CNTN3: variants seen among roughly 807,000 people sequenced by gnomAD.
CNTN3 encodes the protein contactin 3, also known as contactin-3.
A neutral mutation model predicts 119.1 loss-of-function variants in CNTN3; 60 were observed. The ratio of observed to expected loss-of-function variants is 0.50; its 90% CI spans 0.41 to 0.62. The LOEUF (loss-of-function observed/expected upper bound fraction) is 0.62. CNTN3 is among the 20% of genes least tolerant of loss of function. The pLI is 0.00. For missense variants in CNTN3, 1,101 were observed against 1,242.4 expected, an observed-to-expected ratio of 0.89 and a Z score of 1.71; for synonymous variants, 450 against 438.7, an observed-to-expected ratio of 1.03 and a Z score of -0.32.
intron 9 of CNTN3, among the ~76,000 whole-genome samples, chr3:74,365,331 A>G (rs1286093273): frequency 1.3e-5 from 2 of 152,138 alleles, no homozygotes; most frequent in Non-Finnish European, 2.9e-5. Context: ...GACTAAATTC[A>G]CACCATGACT....
At chr3:74,347,019 A>C (rs1380747335) in intron 11 of CNTN3, among the ~76,000 whole-genome samples, 1 of 152,204 alleles carries the variant, frequency 6.6e-6, no homozygotes, top group Non-Finnish European at 1.5e-5. Context: ...GCACTTCAAC[A>C]AATATTTGTT....
At chr3:74,407,421 A>G (rs1416694050) in intron 5 of CNTN3, among the ~76,000 whole-genome samples, 11 of 146,836 alleles carry the variant, frequency 7.5e-5, no homozygotes, top group African/African-American at 2.8e-4. Context: ...GGCATGTGCC[A>G]CCACGCCTGG....
chr3:74,504,220 A>G (rs1703213500), intron 2 of CNTN3, among the ~76,000 whole-genome samples: 1 of 152,196 alleles, frequency 6.6e-6, no homozygotes, highest in African/African-American at 2.4e-5. Flanking sequence ...AACAAAAACT[A>G]GCAGTGCATT....
chr3:74,338,717 G>A (rs1260362020), intron 11 of CNTN3, among the ~76,000 whole-genome samples: 1 of 151,910 alleles, frequency 6.6e-6, no homozygotes, highest in Non-Finnish European at 1.5e-5. Flanking sequence ...TATCTATTAC[G>A]GTTTGTTATG....
chr3:74,278,211 A>G (rs1367117967), intron 20 of CNTN3, among the ~76,000 whole-genome samples: 1 of 152,176 alleles, frequency 6.6e-6, no homozygotes, highest in African/African-American at 2.4e-5. Context: ...TACAAATTCA[A>G]TGCAAATCCC....
At chr3:74,416,245 A>AT (rs1701518590) in intron 5 of CNTN3, among the ~76,000 whole-genome samples, 2 of 152,132 alleles carry the variant, frequency 1.3e-5, no homozygotes, top group South Asian at 4.1e-4. Context: ...AAATTTTTAC[A>AT]TTTTTCCATA....
At chr3:74,273,851 T>C (rs1349570049) in intron 20 of CNTN3, among the ~76,000 whole-genome samples, 1 of 152,054 alleles carries the variant, frequency 6.6e-6, no homozygotes, top group African/African-American at 2.4e-5. Context: ...GTGCAGACTT[T>C]ATAGGTGGAG....
At chr3:74,386,097 C>G (rs1333603730) in intron 5 of CNTN3, among the ~76,000 whole-genome samples, 2 of 152,098 alleles carry the variant, frequency 1.3e-5, no homozygotes, top group East Asian at 3.9e-4. Context: ...TTGGAAGGAT[C>G]TGAATCCAGG....
chr3:74,540,535 T>C (rs1257716393), intron 1 of CNTN3, among the ~76,000 whole-genome samples: 1 of 152,168 alleles, frequency 6.6e-6, no homozygotes, highest in Admixed American at 6.6e-5. Context: ...CGTCAGCATC[T>C]ACACAAAGTG....
At chr3:74,557,727 G>GAAAAAAAAAAAAAAA (rs5850189) in intron 1 of CNTN3, among the ~76,000 whole-genome samples, 1 of 136,978 alleles carries the variant, frequency 7.3e-6, no homozygotes, top group Non-Finnish European at 1.5e-5. Flanking sequence ...AGCAACAGAT[G>GAAAAAAAAAAAAAAA]AAAAAAAAAA....
At chr3:74,447,776 C>T (rs1291407406) in intron 4 of CNTN3, among the ~76,000 whole-genome samples, 3 of 152,104 alleles carry the variant, frequency 2.0e-5, no homozygotes, top group South Asian at 2.1e-4. Context: ...CATAAGGGCC[C>T]GCTCTGTTCT....
At chr3:74,581,082 G>C (rs1001531506) in intron 1 of CNTN3, among the ~76,000 whole-genome samples, 50 of 152,106 alleles carry the variant, frequency 3.3e-4, no homozygotes, top group Non-Finnish European at 1.0e-4. Context: ...AAGAAGGTAA[G>C]GATAACCTTT....
intron 13 of CNTN3, among the ~76,000 whole-genome samples, chr3:74,319,069 T>A (rs982663978): frequency 1.3e-5 from 2 of 152,016 alleles, no homozygotes; most frequent in Non-Finnish European, 2.9e-5. Context: ...AGAATCAATA[T>A]CGTTTAAATG....
intron 13 of CNTN3, among the ~76,000 whole-genome samples, chr3:74,315,728 C>G (rs2121812): frequency 0.012 from 1,779 of 152,188 alleles, 34 homozygotes; most frequent in African/African-American, 0.04. Context: ...TGAAAAAGAT[C>G]TTGTGGTGCT....
At chr3:74,583,236 A>T (rs1411890598) in intron 1 of CNTN3, among the ~76,000 whole-genome samples, 2 of 152,222 alleles carry the variant, frequency 1.3e-5, no homozygotes, top group Non-Finnish European at 2.9e-5. Context: ...ATCGCAGGTT[A>T]GATGCCAAAT....
intron 2 of CNTN3, among the ~76,000 whole-genome samples, chr3:74,507,699 T>C (rs963501576): frequency 6.7e-6 from 1 of 150,292 alleles, no homozygotes; most frequent in Admixed American, 6.7e-5. Context: ...TGGCCCAATC[T>C]TGACTCACTG....
At chr3:74,324,027 T>A (rs1703067383) in intron 13 of CNTN3, among the ~76,000 whole-genome samples, 1 of 152,188 alleles carries the variant, frequency 6.6e-6, no homozygotes, top group African/African-American at 2.4e-5. Context: ...AAACCATATA[T>A]TACTGTATTT....
chr3:74,456,444 T>C (rs1196880348), intron 4 of CNTN3, among the ~76,000 whole-genome samples: 1 of 152,070 alleles, frequency 6.6e-6, no homozygotes, highest in Non-Finnish European at 1.5e-5. Context: ...TTATGTTGCA[T>C]TAATGATCTC....
intron 5 of CNTN3, among the ~76,000 whole-genome samples, chr3:74,395,432 A>AGACAGACAG: frequency 6.6e-6 from 1 of 152,168 alleles, no homozygotes; most frequent in East Asian, 1.9e-4. Flanking sequence ...CAAAACAGCA[A>AGACAGACAG]GACAGACAGG....
Sources: gnomAD v4.1 joint callset for allele counts (sites outside exome capture counted in the v4.1 genomes callset) on GRCh38, gnomAD v4.1.1 for gene constraint, MANE v1.5 for transcripts, NCBI Gene and HGNC (gene_info 2026-07-23, HGNC 2026-07-21) for gene names.